ZNF648: variants seen among roughly 807,000 people sequenced by gnomAD.
The protein encoded by ZNF648 is zinc finger protein 648.
Under a neutral mutation model 0.3 loss-of-function variants are expected in ZNF648, and 1 was observed. The observed-to-expected ratio is 3.90, with a 90% CI of 1.39 to 18.51. The LOEUF (loss-of-function observed/expected upper bound fraction) is 18.51. Ranked by LOEUF, ZNF648 falls within the 30% of genes most tolerant of loss-of-function variation. ZNF648 has a pLI of 0.11. For missense variants in ZNF648, 874 were observed against 769.7 expected (o/e 1.14, Z -1.60); for synonymous variants, 376 against 326.8 (o/e 1.15, Z -1.62).
intron 1 of ZNF648, among the ~76,000 whole-genome samples, chr1:182,059,341 A>T (rs1665993250): frequency 6.6e-6 from 1 of 152,182 alleles, no homozygotes; most frequent in African/African-American, 2.4e-5. Flanking sequence ...TAGCTTGAAG[A>T]CATGGAGAAA....
In ZNF648 at chr1:182,057,623, G is replaced by T; in HGVS notation, c.388C>A (p.Leu130Ile). ...ATCTGACCTAACAATTTGTGTGCGA[G>T]ACCACTGGGAAGGGAACCCAGAGCT... ...SRALGSLPSGLAHKLLGQMQP... is the reference protein window; with the variant it reads ...SRALGSLPSGIAHKLLGQMQP... The change falls in exon 2 of 2, where the codon CTC becomes ATC. Residue 130 changes from leucine (L) to isoleucine (I), a missense_variant. Coordinates refer to ENST00000339948, the MANE Select transcript of ZNF648 (RefSeq NM_001009992.1). The T allele has an allele frequency of 1.2e-6, 2 of 1,614,204 alleles. No individual in the cohort carries two copies. The highest frequency in any genetic ancestry group is 1.7e-6 in the Non-Finnish European group (2 of 1,180,038).
upstream of ZNF648, chr1:182,064,447 A>G (rs1315282827): frequency 6.6e-6 from 1 of 152,188 alleles, no homozygotes; most frequent in Non-Finnish European, 1.5e-5. Context: ...GTGATCCAGA[A>G]AAGCAGGTTT....
chr1:182,056,720 T>C lies in ZNF648; in HGVS notation c.1291A>G (p.Lys431Glu), dbSNP rs1665920199. Reference protein sequence around the residue: ...PCPTCGKCFTKSSNLSEHQTL... With the variant: ...PCPTCGKCFTESSNLSEHQTL... ...TGGTGCTCGGACAGATTGGAGGACT[T>C]GGTGAAGCACTTGCCGCAGGTGGGG... is the stretch of plus-strand genomic sequence containing the variant. Residue 431 changes from lysine (K) to glutamate (E), a missense_variant, in exon 2 of 2, where the codon AAG becomes GAG. By Grantham distance (56) the Lys-to-Glu change is moderately conservative. Coordinates refer to ENST00000339948, the MANE Select transcript of ZNF648 (RefSeq NM_001009992.1). The C allele has an allele frequency of 1.9e-6, 3 of 1,590,920 alleles. No homozygotes were observed. Among genetic ancestry groups the C allele is most frequent in the East Asian group, 4.6e-5 (2 of 43,458 alleles).
chr1:182,056,662 C>T lies in ZNF648; in HGVS notation c.1349G>A (p.Cys450Tyr). The change falls in exon 2 of 2, where the codon TGC becomes TAC. Residue 450 changes from cysteine to tyrosine, a missense_variant. Physicochemically the swap from Cys to Tyr is radical, Grantham distance 194. Coordinates refer to ENST00000339948, the MANE Select transcript of ZNF648 (RefSeq NM_001009992.1). ...CGCGAAGGCCACGCCGCAGTCAGCG[C>T]ACTTGAAAGGCCTCTGGCCGGTGTG... ...TLHTGQRPFK[C>Y]ADCGVAFAQP... 1.2e-6 allele frequency: 2 copies of T among 1,607,392 alleles called. No individual in the cohort carries two copies. The highest frequency in any genetic ancestry group is 8.5e-7 in the Non-Finnish European group (1 of 1,176,800).
Position 182,056,757 on chromosome 1 carries a change from C to A in ZNF648, c.1254G>T (p.Arg418=). ...TGCCGCAGGTGGGGCAGGGGAAGGGCCGCTCGCCCGAGTGCACGCGCTGGT... is the reference window on the plus strand; with the variant it reads ...TGCCGCAGGTGGGGCAGGGGAAGGGACGCTCGCCCGAGTGCACGCGCTGGT... ...VEHQRVHSGE[R]PFPCPTCGKC... Residue 418 remains arginine (R), a synonymous_variant, in exon 2 of 2, where the codon CGG becomes CGT. Transcript: ENST00000339948. 2 of 1,567,596 alleles carry A rather than the reference C, an allele frequency of 1.3e-6. No individual in the cohort carries two copies. The highest frequency in any genetic ancestry group is 1.7e-6 in the Non-Finnish European group (2 of 1,156,454).
rs1271508766 is a variant in ZNF648, at chr1:182,057,186, G to A, written c.825C>T (p.Ala275=). The part of the protein sequence containing the change: ...PLSPAETRGG[A]AKRYACELCG... ...ATAGCTCGCACGCGTAGCGCTTGGC[G>A]GCGCCGCCGCGCGTCTCCGCGGGGC... The change falls in exon 2 of 2, where the codon GCC becomes GCT. Residue 275 remains alanine (A), a synonymous_variant. Transcript: ENST00000339948. 3 of 1,580,298 alleles carry A rather than the reference G, an allele frequency of 1.9e-6. No homozygotes were observed. Among genetic ancestry groups the A allele is most frequent in the South Asian group, 1.1e-5 (1 of 89,294 alleles).
Position 182,056,233 on chromosome 1 carries a change from T to G in ZNF648, c.*71A>C. 3.9e-6 allele frequency: 6 copies of G among 1,525,126 alleles called. No homozygotes were observed. The highest frequency in any genetic ancestry group is 5.3e-6 in the Non-Finnish European group (6 of 1,136,852). The allele number at this position is 1,525,126 out of a possible 1,614,324, so 94.5% of individuals were successfully genotyped here. On this transcript the variant is annotated 3_prime_UTR_variant, in exon 2 of 2. Transcript: ENST00000339948. ...CCTGCTGGGAGGCGAGGCTGACCAGTGAGGCTGGCAATACCATGTGAGTGG... is the reference window on the plus strand; with the variant it reads ...CCTGCTGGGAGGCGAGGCTGACCAGGGAGGCTGGCAATACCATGTGAGTGG...
upstream of ZNF648, chr1:182,064,288 G>A (rs1276405614): frequency 6.6e-6 from 1 of 152,110 alleles, no homozygotes; most frequent in Non-Finnish European, 1.5e-5. Context: ...AAATTGCTTT[G>A]GGCAGTATGG....
Position 182,054,598 on chromosome 1 carries a change from C to G in ZNF648, c.*1706G>C, listed in dbSNP as rs961239272. On this transcript the variant is annotated 3_prime_UTR_variant, in exon 2 of 2. Coordinates refer to ENST00000339948, the MANE Select transcript of ZNF648 (RefSeq NM_001009992.1). ...AGTCTTCAAATATTTTATTGATTAT[C>G]TAGGAAAAAAAAGTTAGCTTTTGCT... 1 of 152,154 alleles carries G rather than the reference C, an allele frequency of 6.6e-6. No homozygotes were observed. Among genetic ancestry groups the G allele is most frequent in the Non-Finnish European group, 1.5e-5 (1 of 68,028 alleles). 9.4% of individuals were successfully genotyped at this position (152,154 alleles called of 1,614,324 possible).
Position 182,057,168 on chromosome 1 carries a change from G to T in ZNF648, c.843C>A (p.Cys281Ter), listed in dbSNP as rs199562661. Residue 281 changes from cysteine (C) to a stop codon, truncating the protein, a stop_gained, in exon 2 of 2, where the codon TGC becomes TGA. Transcript: ENST00000339948. LOFTEE classifies it low-confidence loss of function (END_TRUNC). Reference sequence around the variant, plus strand: ...GGGAGTAGGCCTTCCCGCATAGCTCGCACGCGTAGCGCTTGGCGGCGCCGC... The same window carrying T: ...GGGAGTAGGCCTTCCCGCATAGCTCTCACGCGTAGCGCTTGGCGGCGCCGC... ...TRGGAAKRYA[C>*]ELCGKAYSHR... The T allele has an allele frequency of 4.5e-5, 72 of 1,593,186 alleles. No homozygotes were observed. The highest frequency in any genetic ancestry group is 3.6e-4 in the East Asian group (16 of 44,452).
intron 1 of ZNF648, among the ~76,000 whole-genome samples, chr1:182,060,544 C>T (rs143589689): frequency 1.1e-4 from 17 of 152,312 alleles, no homozygotes; most frequent in African/African-American, 3.4e-4. Flanking sequence ...CAGCATCTCA[C>T]GTCTCTTTGT....
At chr1:182,067,488 G>T in the ZNF648 span, among the ~76,000 whole-genome samples, 1 of 152,286 alleles carries the variant, frequency 6.6e-6, no homozygotes, top group Middle Eastern at 3.4e-3. Flanking sequence ...GGGTAGGAAG[G>T]CACCTCTACC....
At chr1:182,060,263 A>C (rs1444873136) in intron 1 of ZNF648, among the ~76,000 whole-genome samples, 2 of 152,188 alleles carry the variant, frequency 1.3e-5, no homozygotes, top group Non-Finnish European at 2.9e-5. Context: ...TTAGTCACTG[A>C]GTATTTACCT....
chr1:182,055,950 C>A lies in ZNF648; in HGVS notation c.*354G>T. Reference sequence around the variant, plus strand: ...AGGGTAGGACAGGTTAGTCTTTTTCCCCACCTTATCCCTGGAGCCCGGCCC... The same window carrying A: ...AGGGTAGGACAGGTTAGTCTTTTTCACCACCTTATCCCTGGAGCCCGGCCC... On this transcript the variant is annotated 3_prime_UTR_variant, in exon 2 of 2. Coordinates refer to ENST00000339948, the MANE Select transcript of ZNF648 (RefSeq NM_001009992.1). This position sits in a 1 kb window ranked among gnomAD's most constrained non-coding sequence, Gnocchi z 4.1. The A allele has an allele frequency of 3.8e-6, 1 of 260,036 alleles. No individual in the cohort carries two copies. Among genetic ancestry groups the A allele is most frequent in the Non-Finnish European group, 7.4e-6 (1 of 135,956 alleles). The allele number at this position is 260,036 out of a possible 1,614,324, so 16.1% of individuals were successfully genotyped here.
rs1355073271 is a variant in ZNF648 at position 182,061,655 on chromosome 1, T to C, written c.-151A>G. The C allele has an allele frequency of 6.6e-6, 1 of 152,416 alleles. No individual in the cohort carries two copies. The highest frequency in any genetic ancestry group is 6.5e-5 in the Admixed American group (1 of 15,288). The allele number at this position is 152,416 out of a possible 1,614,324, so 9.4% of individuals were successfully genotyped here. A position where few individuals can be genotyped will look rare whatever the true frequency, so the allele number is the denominator to read the frequency against. On this transcript the variant is annotated 5_prime_UTR_variant, in exon 1 of 2. Coordinates refer to ENST00000339948, the MANE Select transcript of ZNF648 (RefSeq NM_001009992.1). ...GCAACAGGAACCAGTTAGGTACAAA[T>C]CAGCAGAGATGGTGTCTCTGTCTCT...
Position 182,057,318 on chromosome 1 carries a change from C to A in ZNF648, c.693G>T (p.Arg231Ser), listed in dbSNP as rs781292493. The change falls in exon 2 of 2, where the codon AGG becomes AGT. Residue 231 changes from arginine to serine, a missense_variant. Coordinates refer to ENST00000339948, the MANE Select transcript of ZNF648 (RefSeq NM_001009992.1). ...GCCGGCCCGCCTGGTTCTGTACTTT[C>A]CTGCTGTTCCGCGCTTTTGCCAGGA... ...AAVLAKARNS[R>S]KVQNQAGRRE... 56 of 1,606,580 alleles carry A rather than the reference C, an allele frequency of 3.5e-5. No homozygotes were observed. The highest frequency in any genetic ancestry group is 4.6e-5 in the Non-Finnish European group (54 of 1,179,356).
At position 182,057,787 on chromosome 1, in the gene ZNF648, C is replaced by A. The variant is rs1665962431; in HGVS notation, c.224G>T (p.Gly75Val). The change falls in exon 2 of 2, where the codon GGC (glycine) becomes GTC (valine). Residue 75 changes from glycine (G) to valine (V), a missense_variant. Physicochemically the swap from Gly to Val is moderately radical, Grantham distance 109. Transcript: ENST00000339948. ...GTCAGAGAATTTCTCTTCCTCTTTG[C>A]CCAGTGGATGGGGCCATGGCAAGTC... is the stretch of plus-strand genomic sequence containing the variant. ...NPDLPWPHPL[G>V]KEEEKFSDSS... 1 of 1,614,084 alleles carries A rather than the reference C, an allele frequency of 6.2e-7. No homozygotes were observed.
intron 1 of ZNF648, among the ~76,000 whole-genome samples, chr1:182,059,697 T>C (rs1665999648): frequency 6.7e-6 from 1 of 149,724 alleles, no homozygotes; most frequent in African/African-American, 2.5e-5. Context: ...AAACCCCGTC[T>C]CTACTAAAAA....
Position 182,057,933 on chromosome 1 carries a change from G to T in ZNF648, c.78C>A (p.Thr26=). ...LSSLTEEAHD[T]QMLSMNLESD... ...TCTCTAAGTTCATGCTCAGCATCTG[G>T]GTGTCATGAGCTTCCTCAGTCAAGC... The change falls in exon 2 of 2, where the codon ACC becomes ACA. Residue 26 remains threonine, a synonymous_variant. Coordinates refer to ENST00000339948, the MANE Select transcript of ZNF648 (RefSeq NM_001009992.1). 1.2e-6 allele frequency: 2 copies of T among 1,614,016 alleles called. No homozygotes were observed.
Sources: allele counts gnomAD v4.1 joint callset (sites outside exome capture counted in the v4.1 genomes callset), GRCh38; gene constraint gnomAD v4.1.1; non-coding constraint Gnocchi (gnomAD v3.1); transcripts MANE v1.5; gene names NCBI Gene and HGNC (gene_info 2026-07-23, HGNC 2026-07-21).